The following C1GALT1 variants were observed in gnomAD, a reference collection of about 807,000 sequenced individuals.
C1GALT1 encodes core 1 synthase, glycoprotein-N-acetylgalactosamine 3-beta-galactosyltransferase 1, also known as glycoprotein-N-acetylgalactosamine 3-beta-galactosyltransferase 1.
C1GALT1 carries 11 observed loss-of-function variants against 31.0 expected under a neutral mutation model. That is an observed-to-expected ratio of 0.36 (90% CI 0.22 to 0.59). The LOEUF (loss-of-function observed/expected upper bound fraction) is 0.59. C1GALT1 is among the 20% of genes least tolerant of loss of function. C1GALT1 has a pLI of 0.79. For missense variants in C1GALT1, 424 were observed against 425.2 expected (o/e 1.00, Z 0.03); for synonymous variants, 175 against 143.6 (o/e 1.22, Z -1.56).
At chr7:7,216,359 A>C (rs1243106557) in intron 1 of C1GALT1, among the ~76,000 whole-genome samples, 1 of 152,150 alleles carries the variant, frequency 6.6e-6, no homozygotes, top group East Asian at 1.9e-4. Flanking sequence ...GGTTGTAGGC[A>C]TGGTCCTCCA....
At chr7:7,224,739 A>G (rs1170437642) in intron 1 of C1GALT1, among the ~76,000 whole-genome samples, 1 of 152,084 alleles carries the variant, frequency 6.6e-6, no homozygotes, top group Non-Finnish European at 1.5e-5. Context: ...GAGGCTGTCC[A>G]TTTTATTAAT....
At chr7:7,219,885 T>C (rs567106433) in intron 1 of C1GALT1, among the ~76,000 whole-genome samples, 2 of 152,342 alleles carry the variant, frequency 1.3e-5, no homozygotes, top group African/African-American at 4.8e-5. Flanking sequence ...TGTTCTAATA[T>C]GTTTTCATAA....
chr7:7,161,108 A>G (rs1202504006), intron 2 of C1GALT1, among the ~76,000 whole-genome samples: 1 of 152,092 alleles, frequency 6.6e-6, no homozygotes, highest in East Asian at 1.9e-4. Context: ...GCACAATGAT[A>G]TGACAGACTA....
intron 1 of C1GALT1, among the ~76,000 whole-genome samples, chr7:7,196,094 A>G (rs1431664346): frequency 6.6e-6 from 1 of 152,098 alleles, no homozygotes; most frequent in Non-Finnish European, 1.5e-5. Flanking sequence ...TCAAAGTTCT[A>G]GGGTACATGT....
At chr7:7,193,922 T>A (rs987689393) in intron 1 of C1GALT1, among the ~76,000 whole-genome samples, 2 of 152,040 alleles carry the variant, frequency 1.3e-5, no homozygotes, top group African/African-American at 4.8e-5. Flanking sequence ...GTATTTTATT[T>A]TTTTTTTGCA....
intron 3 of C1GALT1, among the ~76,000 whole-genome samples, chr7:7,242,744 A>T (rs1200369243): frequency 6.6e-6 from 1 of 152,090 alleles, no homozygotes. Context: ...TTCTCATACC[A>T]ACCCTATTAG....
chr7:7,234,170 G>A, intron 1 of C1GALT1, 133 bp from the exon 2 acceptor site: 1 of 668,770 alleles, frequency 1.5e-6, no homozygotes, highest in Middle Eastern at 3.3e-4. Context: ...AAATAGAGGG[G>A]TAAACTCATA....
At chr7:7,197,340 T>A (rs1438878565) in intron 1 of C1GALT1, among the ~76,000 whole-genome samples, 2 of 152,184 alleles carry the variant, frequency 1.3e-5, no homozygotes, top group African/African-American at 2.4e-5. Flanking sequence ...TTGTCAAAGA[T>A]CAGAAGGTTG....
At chr7:7,162,908 T>C (rs1186293177) in intron 2 of C1GALT1, among the ~76,000 whole-genome samples, 1 of 152,228 alleles carries the variant, frequency 6.6e-6, no homozygotes, top group East Asian at 1.9e-4. Flanking sequence ...GCTGCATAAA[T>C]GTCTTCTTTT....
chr7:7,219,039 A>G (rs1324657705), intron 1 of C1GALT1, among the ~76,000 whole-genome samples: 3 of 151,896 alleles, frequency 2.0e-5, no homozygotes, highest in African/African-American at 2.4e-5. Flanking sequence ...GGGTTTCACC[A>G]TGTTAGCCAG....
intron 1 of C1GALT1, among the ~76,000 whole-genome samples, chr7:7,219,795 A>AAC (rs1242366343): frequency 2.6e-4 from 40 of 152,136 alleles, no homozygotes; most frequent in Non-Finnish European, 5.6e-4. Flanking sequence ...TTAAGCACAT[A>AAC]ATTGTAATAA....
intron 1 of C1GALT1, among the ~76,000 whole-genome samples, chr7:7,200,831 T>C (rs1197636147): frequency 6.6e-6 from 1 of 152,232 alleles, no homozygotes; most frequent in East Asian, 1.9e-4. Flanking sequence ...TCTTGTGCCA[T>C]GGTTTTCAGC....
intron 1 of C1GALT1, among the ~76,000 whole-genome samples, chr7:7,196,187 A>G (rs981395755): frequency 6.6e-6 from 1 of 150,876 alleles, no homozygotes; most frequent in Non-Finnish European, 1.5e-5. Context: ...TACATTAGGT[A>G]TATCTCCTAA....
chr7:7,164,530 G>T (rs189479139), intron 2 of C1GALT1, among the ~76,000 whole-genome samples: 4 of 152,254 alleles, frequency 2.6e-5, no homozygotes, highest in Admixed American at 2.0e-4. Context: ...CATGTAGAAA[G>T]TTTATTAGGG....
intron 1 of C1GALT1, among the ~76,000 whole-genome samples, chr7:7,189,305 T>G (rs1467708339): frequency 6.6e-6 from 1 of 152,172 alleles, no homozygotes; most frequent in Non-Finnish European, 1.5e-5. Context: ...TGAAGTGATA[T>G]ATCAAGGCAT....
chr7:7,174,599 G>T (rs1780485628), intron 2 of C1GALT1, among the ~76,000 whole-genome samples: 1 of 149,878 alleles, frequency 6.7e-6, no homozygotes, highest in African/African-American at 2.5e-5. Flanking sequence ...AAAAAAAAAA[G>T]TAGCTATACC....
intron 1 of C1GALT1, among the ~76,000 whole-genome samples, chr7:7,192,433 T>C (rs1461868541): frequency 6.6e-6 from 1 of 152,136 alleles, no homozygotes; most frequent in Admixed American, 6.5e-5. Flanking sequence ...AGAATAATGG[T>C]CTCCACCTCC....
At chr7:7,194,352 A>G (rs1562565075) in intron 1 of C1GALT1, among the ~76,000 whole-genome samples, 1 of 152,032 alleles carries the variant, frequency 6.6e-6, no homozygotes, top group Non-Finnish European at 1.5e-5. Context: ...TCTCCTTTCT[A>G]TGCCAATTTT....
chr7:7,209,207 T>C (rs936453790), intron 1 of C1GALT1, among the ~76,000 whole-genome samples: 9 of 152,396 alleles, frequency 5.9e-5, no homozygotes, highest in African/African-American at 1.7e-4. Flanking sequence ...ATAGCTTTTT[T>C]GTTTGCTATT....
Sources: gnomAD v4.1 joint callset for allele counts (sites outside exome capture counted in the v4.1 genomes callset) on GRCh38, gnomAD v4.1.1 for gene constraint, MANE v1.5 for transcripts, NCBI Gene and HGNC (gene_info 2026-07-23, HGNC 2026-07-21) for gene names.